QTMAN: variants seen among roughly 807,000 people sequenced by gnomAD.
The protein encoded by QTMAN is tRNA-queuosine alpha-mannosyltransferase.
chr2:144,332,534 C>T, the QTMAN span: 1 of 148,008 alleles, frequency 6.8e-6, no homozygotes, highest in Non-Finnish European at 1.5e-5. Context: ...GCGGCCGCCG[C>T]GGATGCCGCC....
chr2:144,037,316 T>G, the QTMAN span, among the ~76,000 whole-genome samples: 3 of 152,242 alleles, frequency 2.0e-5, no homozygotes. Context: ...AATACATTTT[T>G]GTACAACAAT....
the QTMAN span, among the ~76,000 whole-genome samples, chr2:144,066,061 T>C: frequency 6.6e-6 from 1 of 152,188 alleles, no homozygotes; most frequent in Non-Finnish European, 1.5e-5. Flanking sequence ...ATCTTAAAAG[T>C]TGAAAAAAAT....
At chr2:144,063,357 T>C in the QTMAN span, among the ~76,000 whole-genome samples, 1 of 152,218 alleles carries the variant, frequency 6.6e-6, no homozygotes, top group Non-Finnish European at 1.5e-5. Flanking sequence ...AAATTAGGTT[T>C]CTGTCACTTG....
At chr2:143,954,038 C>CATT in the QTMAN span, among the ~76,000 whole-genome samples, 1 of 151,894 alleles carries the variant, frequency 6.6e-6, no homozygotes, top group Non-Finnish European at 1.5e-5. Flanking sequence ...ACAAAATAAT[C>CATT]TAGTGGGAAG....
the QTMAN span, among the ~76,000 whole-genome samples, chr2:144,161,473 C>T: frequency 6.6e-6 from 1 of 151,832 alleles, no homozygotes; most frequent in Admixed American, 6.6e-5. Context: ...TCATATCTTA[C>T]CAGAAAGAAG....
At chr2:144,016,201 T>TA in the QTMAN span, among the ~76,000 whole-genome samples, 3 of 152,234 alleles carry the variant, frequency 2.0e-5, no homozygotes, top group African/African-American at 7.2e-5. Context: ...ATTTCATACA[T>TA]ACTGATTTTG....
chr2:144,184,008 G>A, the QTMAN span, among the ~76,000 whole-genome samples: 30 of 152,286 alleles, frequency 2.0e-4, no homozygotes, highest in South Asian at 1.9e-3. Context: ...CAATACGCAC[G>A]GCTCGTGGGC....
At chr2:144,109,625 G>C in the QTMAN span, among the ~76,000 whole-genome samples, 1 of 150,736 alleles carries the variant, frequency 6.6e-6, no homozygotes, top group Non-Finnish European at 1.5e-5. Flanking sequence ...CAGAATGGGA[G>C]AAAATTTTTG....
At chr2:143,982,526 T>C in the QTMAN span, among the ~76,000 whole-genome samples, 3 of 148,820 alleles carry the variant, frequency 2.0e-5, no homozygotes, top group African/African-American at 4.9e-5. Flanking sequence ...TGAGCCACCA[T>C]GCCTGGCCAC....
the QTMAN span, among the ~76,000 whole-genome samples, chr2:143,967,127 G>A: frequency 6.6e-6 from 1 of 152,138 alleles, no homozygotes; most frequent in Non-Finnish European, 1.5e-5. Context: ...TATAAAATGG[G>A]ATAGGGTAAT....
chr2:144,106,888 G>A, the QTMAN span, among the ~76,000 whole-genome samples: 1 of 152,194 alleles, frequency 6.6e-6, no homozygotes, highest in Non-Finnish European at 1.5e-5. Context: ...TAAAAGAACA[G>A]AAATTATAAC....
chr2:144,235,967 GTAATAA>G, the QTMAN span, among the ~76,000 whole-genome samples: 1 of 150,904 alleles, frequency 6.6e-6, no homozygotes, highest in African/African-American at 2.4e-5. Flanking sequence ...CTGTAACTCA[GTAATAA>G]TAATAATTAT....
At chr2:143,988,170 A>C in the QTMAN span, among the ~76,000 whole-genome samples, 1 of 152,180 alleles carries the variant, frequency 6.6e-6, no homozygotes, top group African/African-American at 2.4e-5. Context: ...AGGTCTATGG[A>C]AACAGGAGAG....
the QTMAN span, among the ~76,000 whole-genome samples, chr2:144,118,621 C>T: frequency 7.9e-5 from 12 of 152,078 alleles, no homozygotes; most frequent in African/African-American, 2.4e-4. Flanking sequence ...CAGTGGCTCA[C>T]GCCTGTAATC....
At chr2:143,946,391 CTCTT>C in the QTMAN span, 1 of 152,236 alleles carries the variant, frequency 6.6e-6, no homozygotes, top group Non-Finnish European at 1.5e-5. Flanking sequence ...CCTGCCAGAC[CTCTT>C]ATTAATACCT....
the QTMAN span, among the ~76,000 whole-genome samples, chr2:143,979,913 A>G: frequency 6.6e-6 from 1 of 152,274 alleles, no homozygotes; most frequent in East Asian, 1.9e-4. Context: ...TCTAATAAAT[A>G]TAGCCATTCC....
At chr2:144,213,281 C>T in the QTMAN span, among the ~76,000 whole-genome samples, 22 of 152,086 alleles carry the variant, frequency 1.4e-4, no homozygotes, top group African/African-American at 5.3e-4. Flanking sequence ...AGGTGAACTA[C>T]ATTTTTGTCT....
chr2:144,002,269 T>C, the QTMAN span, among the ~76,000 whole-genome samples: 1 of 152,082 alleles, frequency 6.6e-6, no homozygotes, highest in Admixed American at 6.6e-5. Flanking sequence ...CATACCAAGA[T>C]ACAATAGCTG....
chr2:144,167,210 CAACT>C, the QTMAN span, among the ~76,000 whole-genome samples: 3 of 152,072 alleles, frequency 2.0e-5, no homozygotes, highest in Admixed American at 1.3e-4. Flanking sequence ...TGTTCCCATC[CAACT>C]ATCAGAAGGG....
Sources: allele counts gnomAD v4.1 joint callset (sites outside exome capture counted in the v4.1 genomes callset), GRCh38; gene constraint gnomAD v4.1.1; transcripts MANE v1.5; gene names NCBI Gene and HGNC (gene_info 2026-07-23, HGNC 2026-07-21).